Variants in IPO7 observed in about 807,000 individuals in gnomAD.
IPO7 encodes the protein importin 7.
In IPO7, 13 loss-of-function variants were observed where a neutral mutation model predicts 136.4. The observed-to-expected ratio is 0.10, with a 90% CI of 0.06 to 0.15. The LOEUF (loss-of-function observed/expected upper bound fraction) is 0.15. Ranked by LOEUF, IPO7 falls within the 10% of genes least tolerant of loss-of-function variation. IPO7 has a pLI of 1.00. For missense variants in IPO7, 857 were observed against 1,240.6 expected (o/e 0.69, Z 4.65); for synonymous variants, 403 against 404.4 (o/e 1.00, Z 0.04).
intron 4 of IPO7, among the ~76,000 whole-genome samples, chr11:9,413,130 G>T (rs531531340): frequency 2.3e-4 from 35 of 151,904 alleles, no homozygotes; most frequent in Non-Finnish European, 3.7e-4. Context: ...CTCCCGCCTC[G>T]GCCTCCCAAA....
At chr11:9,436,500 T>G in intron 20 of IPO7, 134 bp downstream of exon 20, 1 of 567,594 alleles carries the variant, frequency 1.8e-6, no homozygotes, top group Non-Finnish European at 3.1e-6. Context: ...CTAATATTTT[T>G]AGTTCAAAAT....
chr11:9,393,431 G>A (rs1854664222), intron 1 of IPO7, among the ~76,000 whole-genome samples: 1 of 152,174 alleles, frequency 6.6e-6, no homozygotes, highest in Non-Finnish European at 1.5e-5. Context: ...CCAGGCTGGA[G>A]TGCAGTGGCA....
intron 1 of IPO7, among the ~76,000 whole-genome samples, chr11:9,400,184 A>G (rs1854772732): frequency 1.3e-5 from 2 of 152,174 alleles, no homozygotes; most frequent in East Asian, 1.9e-4. Flanking sequence ...TTATTGTTGT[A>G]TTGTTATTTA....
chr11:9,396,305 A>G (rs1462402681), intron 1 of IPO7, among the ~76,000 whole-genome samples: 1 of 152,134 alleles, frequency 6.6e-6, no homozygotes, highest in Non-Finnish European at 1.5e-5. Context: ...CTGAGGCAGG[A>G]GAGTCATTTC....
intron 16 of IPO7, among the ~76,000 whole-genome samples, chr11:9,431,953 C>T (rs368237764): frequency 5.3e-5 from 8 of 151,842 alleles, no homozygotes; most frequent in African/African-American, 1.9e-4. Context: ...CCAGCCTGGG[C>T]GACAGAGTGA....
At position 9,408,442 on chromosome 11, in the gene IPO7, C is replaced by T. The variant is rs202135605; in HGVS notation, c.167-44C>T. ...GGACACTTGTGGGATTTTCACAGTA[C>T]TTTCACAGTAAACATTCTTTTGTCA... On this transcript the variant is annotated intron_variant, in intron 2 of 24. Transcript: ENST00000379719. The T allele has an allele frequency of 1.6e-4, 210 of 1,320,336 alleles. 1 individual carries two copies. In the East Asian group the frequency reaches 5.4e-3, roughly 34 times the overall value. 81.8% of individuals were successfully genotyped at this position (1,320,336 alleles called of 1,614,324 possible).
At chr11:9,421,614 C>G (rs1440519990) in intron 8 of IPO7, among the ~76,000 whole-genome samples, 3 of 147,278 alleles carry the variant, frequency 2.0e-5, no homozygotes, top group Admixed American at 6.9e-5. Context: ...GGTTACAGAG[C>G]AAGACTCCAT....
chr11:9,401,229 T>C (rs1854791094), intron 1 of IPO7, among the ~76,000 whole-genome samples: 1 of 151,616 alleles, frequency 6.6e-6, no homozygotes, highest in African/African-American at 2.4e-5. Flanking sequence ...ATATTGTTCA[T>C]GTGAACATGT....
At chr11:9,409,151 C>T (rs1210790299) in intron 3 of IPO7, among the ~76,000 whole-genome samples, 2 of 151,454 alleles carry the variant, frequency 1.3e-5, no homozygotes, top group African/African-American at 2.4e-5. Flanking sequence ...TTCTGTCACC[C>T]AGGCTGGAGT....
intron 2 of IPO7, among the ~76,000 whole-genome samples, chr11:9,405,197 C>T (rs541574184): frequency 7.9e-5 from 12 of 151,876 alleles, no homozygotes; most frequent in Non-Finnish European, 1.5e-4. Flanking sequence ...TTTTTTGAGA[C>T]GGAGTCTTGC....
At chr11:9,428,373 G>A (rs1356518366) in intron 12 of IPO7, among the ~76,000 whole-genome samples, 167 bp from the exon 13 acceptor site, 2 of 152,290 alleles carry the variant, frequency 1.3e-5, no homozygotes, top group Admixed American at 6.5e-5. Context: ...GTGGTTTTTG[G>A]TGGTGAAGTT....
chr11:9,392,171 CTTTTTTTTTTTT>C (rs59866244), intron 1 of IPO7: 3 of 185,120 alleles, frequency 1.6e-5, no homozygotes, highest in East Asian at 1.9e-4. Flanking sequence ...TTGTCAAATT[CTTTTTTTTTTTT>C]TTTTTTTTTT....
intron 1 of IPO7, among the ~76,000 whole-genome samples, chr11:9,394,212 A>C (rs10770027): frequency 0.46 from 70,064 of 152,012 alleles, 17,703 homozygotes; most frequent in Non-Finnish European, 0.57. Context: ...TTTTCCACGC[A>C]GTCAGAGGGG....
rs1386793259 is a variant in IPO7, at chr11:9,428,577, A to G, written c.1373A>G (p.Gln458Arg). 1 of 1,568,042 alleles carries G rather than the reference A, an allele frequency of 6.4e-7. No individual in the cohort carries two copies. Among genetic ancestry groups the G allele is most frequent in the East Asian group, 2.3e-5 (1 of 44,386 alleles). ...AAAGATCAGATGGAATACATGTTGC[A>G]GAATCATGTATTCCCTCTCTTCAGC... is the stretch of plus-strand genomic sequence containing the variant. The part of the protein sequence containing the change: ...IYKDQMEYML[Q>R]NHVFPLFSSE... Residue 458 changes from glutamine (Q) to arginine (R), a missense_variant, in exon 13 of 25, where the codon CAG (glutamine) becomes CGG (arginine). By Grantham distance (43) the Gln-to-Arg change is conservative. Coordinates refer to ENST00000379719, the MANE Select transcript of IPO7 (RefSeq NM_006391.3).
At chr11:9,408,934 G>A (rs925739405) in intron 3 of IPO7, among the ~76,000 whole-genome samples, 2 of 151,580 alleles carry the variant, frequency 1.3e-5, no homozygotes, top group South Asian at 2.1e-4. Context: ...GGATGGTCTC[G>A]ATTTCCTGAC....
intron 5 of IPO7, 88 bp from the exon 6 acceptor site, chr11:9,416,971 T>TA: frequency 1.7e-6 from 1 of 584,382 alleles, no homozygotes. Context: ...TTGAATGAAA[T>TA]ACTTTTGGTA....
chr11:9,409,788 C>T, intron 3 of IPO7, 140 bp from the exon 4 acceptor site: 1 of 511,792 alleles, frequency 2.0e-6, no homozygotes, highest in Non-Finnish European at 3.2e-6. Context: ...TATTCTGAAT[C>T]ATATATATTC....
Position 9,425,265 on chromosome 11 carries a change from ATTC to A in IPO7, c.1335+6_1335+8del. 1 of 1,507,822 alleles carries A rather than the reference ATTC, an allele frequency of 6.6e-7. No homozygotes were observed. Among genetic ancestry groups the A allele is most frequent in the Non-Finnish European group, 9.2e-7 (1 of 1,083,744 alleles). 93.4% of individuals were successfully genotyped at this position (1,507,822 alleles called of 1,614,324 possible). ...CTTTAGCTGAAATACTTCTGAAGGTATTCTTTAGTGTGTTTGTATGTGCATGAC... is the reference window on the plus strand; with the variant it reads ...CTTTAGCTGAAATACTTCTGAAGGTATTTAGTGTGTTTGTATGTGCATGAC... On this transcript the variant is annotated splice_donor_5th_base_variant and intron_variant, in intron 12 of 24. Coordinates refer to ENST00000379719, the MANE Select transcript of IPO7 (RefSeq NM_006391.3).
chr11:9,441,940 A>G (rs1047791620), intron 23 of IPO7, 141 bp from the exon 24 acceptor site: 22 of 493,198 alleles, frequency 4.5e-5, no homozygotes, highest in Non-Finnish European at 6.7e-5. Flanking sequence ...AAATATGGTA[A>G]TTTTAAAAAT....
Sources: allele counts gnomAD v4.1 joint callset (sites outside exome capture counted in the v4.1 genomes callset), GRCh38; gene constraint gnomAD v4.1.1; transcripts MANE v1.5; gene names NCBI Gene and HGNC (gene_info 2026-07-23, HGNC 2026-07-21).